SLC11A2: variants seen among roughly 807,000 people sequenced by gnomAD.
The protein encoded by SLC11A2 is natural resistance-associated macrophage protein 2.
SLC11A2 carries 38 observed loss-of-function variants against 68.0 expected under a neutral mutation model. The ratio of observed to expected loss-of-function variants is 0.56; its 90% confidence interval spans 0.43 to 0.73. The LOEUF is 0.73. SLC11A2 is among the 30% of genes least tolerant of loss of function. The pLI is 0.00. For missense variants in SLC11A2, 517 were observed against 690.5 expected (o/e 0.75, Z 2.82); for synonymous variants, 242 against 250.6 (o/e 0.97, Z 0.32).
intron 15 of SLC11A2, among the ~76,000 whole-genome samples, chr12:50,989,256 G>C (rs942754436): frequency 6.6e-6 from 1 of 152,144 alleles, no homozygotes; most frequent in African/African-American, 2.4e-5. Flanking sequence ...TCAGGAGGCT[G>C]AGGCAGGTGG....
At chr12:51,010,630 T>C (rs1943141050) in intron 2 of SLC11A2, 65 bp downstream of exon 2, 1 of 919,372 alleles carries the variant, frequency 1.1e-6, no homozygotes, top group South Asian at 1.3e-5. Context: ...ATATGATAAA[T>C]TTCTGTTACC....
At chr12:51,028,409 G>T (rs918569412), upstream of SLC11A2, 12 of 506,254 alleles carry the variant, frequency 2.4e-5, no homozygotes, top group Non-Finnish European at 3.9e-5. Flanking sequence ...TTTCATCTTT[G>T]ACCTGTCGTG....
chr12:50,977,314 C>G (rs934731349), downstream of SLC11A2, among the ~76,000 whole-genome samples: 1 of 152,136 alleles, frequency 6.6e-6, no homozygotes, highest in African/African-American at 2.4e-5. Context: ...ACCAATGGAA[C>G]AGAACAGAGC....
chr12:50,981,482 G>A, downstream of SLC11A2: 1 of 420,256 alleles, frequency 2.4e-6, no homozygotes, highest in East Asian at 4.7e-5. Context: ...AGCCCATAGG[G>A]GTGTGTGGCC....
chr12:50,965,071 C>G, the SLC11A2 span, among the ~76,000 whole-genome samples: 1 of 151,984 alleles, frequency 6.6e-6, no homozygotes, highest in African/African-American at 2.4e-5. Context: ...CTCTACAATC[C>G]CTCTAGGAGT....
At chr12:51,011,178 G>C (rs904392769) in intron 1 of SLC11A2, among the ~76,000 whole-genome samples, 1 of 151,582 alleles carries the variant, frequency 6.6e-6, no homozygotes, top group Admixed American at 6.6e-5. Flanking sequence ...GCCCAGGCTG[G>C]AGTGCAGTGG....
chr12:50,975,069 T>C (rs1378453036), downstream of SLC11A2, among the ~76,000 whole-genome samples: 1 of 152,106 alleles, frequency 6.6e-6, no homozygotes, highest in East Asian at 1.9e-4. Flanking sequence ...CTGTCAACAT[T>C]AGACAGATCA....
chr12:50,993,596 G>C (rs550003665), intron 11 of SLC11A2, among the ~76,000 whole-genome samples: 4 of 151,902 alleles, frequency 2.6e-5, no homozygotes, highest in South Asian at 2.1e-4. Flanking sequence ...GAGGCCGAGG[G>C]GGGGGTGGAT....
rs1316849296 is a variant in SLC11A2, at chr12:50,999,042, T to C, written c.675+132A>G. ...CCTTTAAAATTGGCCCAGGGAAAAATTGGCTTTTTGTTGATACACCCACTA... is the reference window on the plus strand; with the variant it reads ...CCTTTAAAATTGGCCCAGGGAAAAACTGGCTTTTTGTTGATACACCCACTA... On this transcript the variant is annotated intron_variant, in intron 8 of 15. Transcript: ENST00000262052. 4.8e-5 allele frequency: 36 copies of C among 746,544 alleles called. 1 individual carries two copies. Among genetic ancestry groups the C allele is most frequent in the South Asian group, 8.3e-5 (5 of 60,390 alleles). The allele number at this position is 746,544 out of a possible 1,614,324, so 46.2% of individuals were successfully genotyped here. A position where few individuals can be genotyped will look rare whatever the true frequency, so the allele number is the denominator to read the frequency against.
upstream of SLC11A2, among the ~76,000 whole-genome samples, chr12:51,027,330 C>T (rs1298193646): frequency 2.0e-5 from 3 of 151,900 alleles, no homozygotes; most frequent in Non-Finnish European, 4.4e-5. Flanking sequence ...CAGAGCAAAA[C>T]CCTGTCTCAA....
At chr12:50,970,513 C>T in the SLC11A2 span, 18 of 1,505,750 alleles carry the variant, frequency 1.2e-5, no homozygotes, top group Non-Finnish European at 1.4e-5. Context: ...ATGAAGCTTA[C>T]ATGCTGGAAG....
intron 1 of SLC11A2, among the ~76,000 whole-genome samples, chr12:51,022,221 C>A (rs1944092628): frequency 6.6e-6 from 1 of 152,038 alleles, no homozygotes; most frequent in Admixed American, 6.6e-5. Context: ...TATCATGGAA[C>A]ACAATGCCAA....
intron 15 of SLC11A2, among the ~76,000 whole-genome samples, chr12:50,988,944 C>A (rs540457949): frequency 6.6e-5 from 10 of 152,018 alleles, no homozygotes; most frequent in South Asian, 2.1e-4. Context: ...AAACTCCTAA[C>A]CTCAAGCAAT....
At chr12:51,004,940 T>C in intron 4 of SLC11A2, 33 bp from the exon 5 acceptor site, 2 of 1,612,600 alleles carry the variant, frequency 1.2e-6, no homozygotes, top group East Asian at 2.2e-5. Context: ...TAACACTCAT[T>C]GAACAACTGA....
At chr12:50,972,950 G>A in the SLC11A2 span, among the ~76,000 whole-genome samples, 2 of 152,196 alleles carry the variant, frequency 1.3e-5, no homozygotes, top group Non-Finnish European at 2.9e-5. Flanking sequence ...GGGGAGGGGC[G>A]CCCACCATTG....
intron 14 of SLC11A2, 145 bp downstream of exon 14, chr12:50,991,454 C>T: frequency 1.4e-6 from 1 of 708,860 alleles, no homozygotes; most frequent in Admixed American, 2.1e-5. Context: ...AGTTTCCATT[C>T]TCTAAGCCAA....
At position 50,986,586 on chromosome 12, in the gene SLC11A2, G is replaced by A. The variant is rs766628921; in HGVS notation, c.*1739C>T. 9.2e-5 allele frequency: 118 copies of A among 1,285,194 alleles called. No homozygotes were observed. The highest frequency in any genetic ancestry group is 1.1e-4 in the African/African-American group (7 of 65,446). 79.6% of individuals were successfully genotyped at this position (1,285,194 alleles called of 1,614,324 possible). A position where few individuals can be genotyped will look rare whatever the true frequency, so the allele number is the denominator to read the frequency against. On this transcript the variant is annotated 3_prime_UTR_variant, in exon 16 of 16. Coordinates refer to ENST00000262052, the MANE Select transcript of SLC11A2 (RefSeq NM_000617.3). The stretch of plus-strand genomic sequence containing the variant: ...CTTTATAAAGAATTTTTTTTTTGTC[G>A]TCAGTTTGGCCTTTCCTACTGCAGC...
At chr12:51,008,702 TTAAA>T in intron 2 of SLC11A2, 78 bp from the exon 3 acceptor site, 6 of 1,142,302 alleles carry the variant, frequency 5.3e-6, no homozygotes, top group South Asian at 2.5e-5. Context: ...TATACTGAAA[TTAAA>T]TAGTTTAATA....
chr12:50,957,136 C>T, the SLC11A2 span, among the ~76,000 whole-genome samples: 1 of 152,034 alleles, frequency 6.6e-6, no homozygotes, highest in African/African-American at 2.4e-5. Context: ...TAAATATATC[C>T]TTACCCACCC....
Sources: allele counts gnomAD v4.1 joint callset (sites outside exome capture counted in the v4.1 genomes callset), GRCh38; gene constraint gnomAD v4.1.1; transcripts MANE v1.5; gene names NCBI Gene and HGNC (gene_info 2026-07-23, HGNC 2026-07-21).